Variants in SLC6A6 observed in about 807,000 individuals in gnomAD.
The protein encoded by SLC6A6 is solute carrier family 6 member 6, also known as sodium- and chloride-dependent taurine transporter.
In SLC6A6, 16 loss-of-function variants were observed where a neutral mutation model predicts 68.8. The observed-to-expected ratio is 0.23, with a 90% CI of 0.16 to 0.35. The LOEUF (loss-of-function observed/expected upper bound fraction) is 0.35, where lower values mean the gene tolerates loss of function less well. Among genes scored for constraint, SLC6A6 ranks in the 10% least tolerant of loss-of-function variants. The pLI, the probability that SLC6A6 is intolerant of heterozygous loss-of-function variation, is 1.00. For synonymous variants in SLC6A6, 312 were observed against 315.4 expected (o/e 0.99, Z 0.12); for missense variants, 474 against 802.8 (o/e 0.59, Z 4.95).
intron 10 of SLC6A6, among the ~76,000 whole-genome samples, chr3:14,473,558 G>GA (rs1311664546): frequency 1.3e-5 from 2 of 152,308 alleles, no homozygotes; most frequent in African/African-American, 2.4e-5. Flanking sequence ...AGGTCAAGCA[G>GA]AGGAGGGTGA....
At chr3:14,461,902 C>T (rs1405777495) in intron 6 of SLC6A6, among the ~76,000 whole-genome samples, 2 of 152,140 alleles carry the variant, frequency 1.3e-5, no homozygotes, top group African/African-American at 4.8e-5. Flanking sequence ...GCTGCCCAGA[C>T]ACTTACCTCC....
intron 1 of SLC6A6, among the ~76,000 whole-genome samples, chr3:14,409,923 C>A (rs1699205961): frequency 6.6e-6 from 1 of 152,198 alleles, no homozygotes; most frequent in South Asian, 2.1e-4. Flanking sequence ...CACACTGGCT[C>A]ACGTCTGTAA....
rs1227091577 is a variant in SLC6A6 at position 14,481,695 on chromosome 3, A to C, written c.1576A>C (p.Lys526Gln). The change falls in exon 14 of 15, where the codon AAG becomes CAG. Residue 526 changes from lysine to glutamine, a missense_variant. Lys to Gln is a moderately conservative substitution (Grantham distance 53). Coordinates refer to ENST00000622186, the MANE Select transcript of SLC6A6 (RefSeq NM_003043.6). This position sits in a 1 kb window ranked among gnomAD's most constrained non-coding sequence, Gnocchi z 4.7. Reference sequence around the variant, plus strand: ...GGGATGTTTCATCTTCTCGCTCGTCAAGTACGTACCCCTGACCTACAACAA... The same window carrying C: ...GGGATGTTTCATCTTCTCGCTCGTCCAGTACGTACCCCTGACCTACAACAA... ...CVGCFIFSLVKYVPLTYNKTY... is the reference protein window; with the variant it reads ...CVGCFIFSLVQYVPLTYNKTY... 12 of 1,611,984 alleles carry C rather than the reference A, an allele frequency of 7.4e-6. No individual in the cohort carries two copies. The South Asian group carries it at 1.3e-4, about 18-fold the overall frequency.
intron 2 of SLC6A6, among the ~76,000 whole-genome samples, chr3:14,430,161 G>A (rs1699689729): frequency 6.6e-6 from 1 of 152,132 alleles, no homozygotes; most frequent in Non-Finnish European, 1.5e-5. Flanking sequence ...GAGATTGGGG[G>A]CAAGTCAGAC....
chr3:14,441,439 G>A (rs1018291580), intron 2 of SLC6A6, among the ~76,000 whole-genome samples: 5 of 152,166 alleles, frequency 3.3e-5, no homozygotes, highest in Admixed American at 6.5e-5. Context: ...GCCCGGCCCC[G>A]AGGGAGCAGG....
chr3:14,434,823 T>C (rs774264237), intron 2 of SLC6A6, among the ~76,000 whole-genome samples: 1 of 152,084 alleles, frequency 6.6e-6, no homozygotes, highest in Non-Finnish European at 1.5e-5. Flanking sequence ...ACGGTGGCAC[T>C]CTCCTTGCTG....
chr3:14,447,063 A>C (rs1008183981), intron 4 of SLC6A6, among the ~76,000 whole-genome samples: 5 of 152,080 alleles, frequency 3.3e-5, no homozygotes, highest in Admixed American at 3.3e-4. Flanking sequence ...CCATCCATAC[A>C]TCCATCTAAC....
At chr3:14,444,958 C>T (rs1700079743) in intron 3 of SLC6A6, 6 of 422,608 alleles carry the variant, frequency 1.4e-5, no homozygotes, top group Admixed American at 1.2e-4. Flanking sequence ...CTTACCACCT[C>T]ACCCTTCCTA....
At chr3:14,442,019 C>T (rs1207986628) in intron 2 of SLC6A6, among the ~76,000 whole-genome samples, 1 of 152,210 alleles carries the variant, frequency 6.6e-6, no homozygotes, top group Non-Finnish European at 1.5e-5. Context: ...GTGTTTGGTT[C>T]TCTGATGAGA....
At chr3:14,444,343 A>G (rs1700063322) in intron 3 of SLC6A6, 1 of 195,120 alleles carries the variant, frequency 5.1e-6, no homozygotes. Flanking sequence ...GTCATGCTCC[A>G]AAGGTATCCA....
intron 2 of SLC6A6, among the ~76,000 whole-genome samples, chr3:14,420,968 A>G (rs992186832): frequency 2.0e-5 from 3 of 152,170 alleles, no homozygotes; most frequent in African/African-American, 7.2e-5. Flanking sequence ...ACGTTGGTCT[A>G]AGCAAGAAGT....
At position 14,484,927 on chromosome 3, in the gene SLC6A6, G is replaced by A; in HGVS notation, c.1783G>A (p.Ala595Thr). 2 of 1,612,568 alleles carry A rather than the reference G, an allele frequency of 1.2e-6. No individual in the cohort carries two copies. The highest frequency in any genetic ancestry group is 1.7e-6 in the Non-Finnish European group (2 of 1,179,884). Residue 595 changes from alanine to threonine, a missense_variant, in exon 15 of 15, where the codon GCC (alanine) becomes ACC (threonine). Physicochemically the swap from Ala to Thr is moderately conservative, Grantham distance 58 (BLOSUM62 0). Around this residue, in one of 2 missense-constraint regions of SLC6A6, gnomAD observed 194 missense variants for 269.8 expected, o/e 0.72. Coordinates refer to ENST00000622186, the MANE Select transcript of SLC6A6 (RefSeq NM_003043.6). ...CCGCTGGGCTGTGGAGCGCGAGGGA[G>A]CCACACCTTACAACTCTCGCACCGT... ...PNRWAVEREG[A>T]TPYNSRTVMN...
At chr3:14,444,842 C>T (rs1293245170) in intron 3 of SLC6A6, 7 of 456,064 alleles carry the variant, frequency 1.5e-5, no homozygotes, top group Admixed American at 4.7e-5. Context: ...TTTATGGACC[C>T]GCTGAAGCCA....
intron 1 of SLC6A6, among the ~76,000 whole-genome samples, chr3:14,406,945 AAAAC>A (rs1391481773): frequency 3.3e-5 from 5 of 152,338 alleles, no homozygotes; most frequent in East Asian, 1.9e-4. Flanking sequence ...GGGATACTTA[AAAAC>A]AAACAAACAA....
Position 14,472,422 on chromosome 3 carries a change from C to T in SLC6A6, c.1209+105C>T. ...AGGTGGTCAACCCCCTTCCCCCCTC[C>T]AGTCAGACTTCCAGTGCTTCAGCTG... is the stretch of plus-strand genomic sequence containing the variant. On this transcript the variant is annotated intron_variant, in intron 10 of 14. Transcript: ENST00000622186. This position sits in a 1 kb window ranked among gnomAD's most constrained non-coding sequence, Gnocchi z 4.5. The T allele has an allele frequency of 1.4e-6, 1 of 716,032 alleles. No individual in the cohort carries two copies. The highest frequency in any genetic ancestry group is 1.6e-5 in the South Asian group (1 of 62,124). The allele number at this position is 716,032 out of a possible 1,614,324, so 44.4% of individuals were successfully genotyped here.
At position 14,443,877 on chromosome 3, in the gene SLC6A6, G is replaced by A. The variant is rs376351875; in HGVS notation, c.229+14G>A. 165 of 1,568,056 alleles carry A rather than the reference G, an allele frequency of 1.1e-4. No individual in the cohort carries two copies. The highest frequency in any genetic ancestry group is 2.0e-4 in the South Asian group (18 of 90,196). On this transcript the variant is annotated intron_variant, in intron 3 of 14. Transcript: ENST00000622186. ...AGAATGGTGGAGGTGAGCTTGGGCC[G>A]GGCCACAGGGGAGCCCATCCAGTAC...
intron 6 of SLC6A6, among the ~76,000 whole-genome samples, chr3:14,459,461 C>A (rs568978987): frequency 1.3e-5 from 2 of 152,100 alleles, no homozygotes; most frequent in South Asian, 2.1e-4. Flanking sequence ...TGTGCACCCC[C>A]CTCCAACACA....
At chr3:14,425,356 C>T (rs149760727) in intron 2 of SLC6A6, among the ~76,000 whole-genome samples, 61 of 152,258 alleles carry the variant, frequency 4.0e-4, no homozygotes, top group Non-Finnish European at 7.6e-4. Flanking sequence ...AACAGAGTCC[C>T]GCAGGAGCTG....
chr3:14,419,250 G>A (rs576100877), intron 2 of SLC6A6, among the ~76,000 whole-genome samples: 13 of 152,270 alleles, frequency 8.5e-5, no homozygotes, highest in African/African-American at 2.2e-4. Flanking sequence ...AGGGCTCCTC[G>A]GCCCCCTGAC....
Sources: gnomAD v4.1 joint callset for allele counts (sites outside exome capture counted in the v4.1 genomes callset) on GRCh38, gnomAD v4.1.1 for gene constraint, gnomAD v4.1.1 regional missense constraint, Gnocchi (gnomAD v3.1) non-coding constraint, MANE v1.5 for transcripts, NCBI Gene and HGNC (gene_info 2026-07-23, HGNC 2026-07-21) for gene names.